DNAH11: variants seen among roughly 807,000 people sequenced by gnomAD.
The protein encoded by DNAH11 is axonemal beta dynein heavy chain 11.
Under a neutral mutation model 526.0 loss-of-function variants are expected in DNAH11, and 442 were observed. The ratio of observed to expected loss-of-function variants is 0.84; its 90% CI spans 0.78 to 0.91. The LOEUF (loss-of-function observed/expected upper bound fraction) is 0.91. Ranked by LOEUF, DNAH11 falls within the 40% of genes least tolerant of loss-of-function variation. DNAH11 has a pLI of 0.00. For synonymous variants in DNAH11, 2,461 were observed against 1,935.9 expected, an observed-to-expected ratio of 1.27 and a Z score of -7.12; for missense variants, 6,989 against 5,448.7, an observed-to-expected ratio of 1.28 and a Z score of -8.90.
chr7:21,687,558 A>T, intron 34 of DNAH11, 31 bp downstream of exon 34: 2 of 1,604,604 alleles, frequency 1.2e-6, no homozygotes, highest in Non-Finnish European at 1.7e-6. Flanking sequence ...CTCTTGTTAC[A>T]AATAGAAAAA....
chr7:21,603,470 G>A (rs1785169873), intron 18 of DNAH11, among the ~76,000 whole-genome samples: 1 of 152,150 alleles, frequency 6.6e-6, no homozygotes. Context: ...AACTTTTTGA[G>A]CCATTGCCAA....
rs774222768 is a variant in DNAH11 at position 21,615,282 on chromosome 7, G to C, written c.4011+10G>C. 2.5e-6 allele frequency: 4 copies of C among 1,605,726 alleles called. No homozygotes were observed. Among genetic ancestry groups the C allele is most frequent in the Non-Finnish European group, 3.4e-6 (4 of 1,175,776 alleles). ...CATTATTTATGTTCGAGTAAGATGT[G>C]CTTTTTCAAAACATGCTTTTTATTT... On this transcript the variant is annotated intron_variant, in intron 21 of 81. Coordinates refer to ENST00000409508, the MANE Select transcript of DNAH11 (RefSeq NM_001277115.2).
chr7:21,893,902 A>T (rs949932454), intron 77 of DNAH11, among the ~76,000 whole-genome samples: 3 of 152,116 alleles, frequency 2.0e-5, no homozygotes, highest in South Asian at 2.1e-4. Context: ...TTTATTTTTT[A>T]TTTTTTGAGA....
chr7:21,835,062 TGAA>T (rs1475484286), intron 65 of DNAH11, among the ~76,000 whole-genome samples: 1 of 151,916 alleles, frequency 6.6e-6, no homozygotes, highest in Non-Finnish European at 1.5e-5. Flanking sequence ...AATTGAATCA[TGAA>T]GAAAGAGAAA....
chr7:21,806,351 A>G (rs1789263280), intron 62 of DNAH11, among the ~76,000 whole-genome samples: 1 of 152,352 alleles, frequency 6.6e-6, no homozygotes, highest in South Asian at 2.1e-4. Flanking sequence ...AAATTAATGC[A>G]TATGTTGTCT....
At chr7:21,638,689 GGGGT>G (rs1390348148) in intron 27 of DNAH11, among the ~76,000 whole-genome samples, 5 of 101,356 alleles carry the variant, frequency 4.9e-5, no homozygotes, top group South Asian at 3.8e-4. Flanking sequence ...CACAGCTAAT[GGGGT>G]GTGTGTGTGT....
chr7:21,901,365 C>A lies in DNAH11; in HGVS notation c.*111C>A. ...CTAACTTTTTAGTAACTCACACGTG[C>A]ATTCTTTTTTCAACGCTATCCTTAG... On this transcript the variant is annotated 3_prime_UTR_variant, in exon 82 of 82. Coordinates refer to ENST00000409508, the MANE Select transcript of DNAH11 (RefSeq NM_001277115.2). 2.9e-6 allele frequency: 4 copies of A among 1,357,648 alleles called. No individual in the cohort carries two copies. Among genetic ancestry groups the A allele is most frequent in the Non-Finnish European group, 3.8e-6 (4 of 1,040,614 alleles). The allele number at this position is 1,357,648 out of a possible 1,614,324, so 84.1% of individuals were successfully genotyped here.
chr7:21,866,344 G>A (rs1783276305), intron 70 of DNAH11, 126 bp from the exon 71 acceptor site: 1 of 719,132 alleles, frequency 1.4e-6, no homozygotes. Context: ...AAGGAAATCT[G>A]AAGAGGAGAG....
At chr7:21,863,889 A>C (rs1012944412) in intron 69 of DNAH11, among the ~76,000 whole-genome samples, 11 of 152,210 alleles carry the variant, frequency 7.2e-5, no homozygotes, top group Admixed American at 7.2e-4. Flanking sequence ...ATAAAGCTCA[A>C]AAATTTTACC....
At chr7:21,548,662 C>T (rs1000217508) in intron 2 of DNAH11, among the ~76,000 whole-genome samples, 1 of 152,110 alleles carries the variant, frequency 6.6e-6, no homozygotes, top group African/African-American at 2.4e-5. Flanking sequence ...CCCACAATAC[C>T]ACCAGACATT....
intron 14 of DNAH11, among the ~76,000 whole-genome samples, chr7:21,594,544 A>AG (rs1302160087): frequency 6.6e-6 from 1 of 152,088 alleles, no homozygotes; most frequent in Non-Finnish European, 1.5e-5. Context: ...GGAATTCTGG[A>AG]GGGTGGGGTC....
In DNAH11 at chr7:21,717,829, G is replaced by C; in HGVS notation, c.7038G>C (p.Leu2346Phe). Residue 2346 changes from leucine to phenylalanine, a missense_variant, in exon 43 of 82, where the codon TTG becomes TTC. By Grantham distance (22) the Leu-to-Phe change is conservative. Transcript: ENST00000409508. Reference protein sequence around the residue: ...RRRHQSEKANLTILFDKYVPA... With the variant: ...RRRHQSEKANFTILFDKYVPA... ...GGCATCAATCAGAAAAGGCCAATTT[G>C]ACTATTCTTTTTGATAAATATGTCC... 6.2e-7 allele frequency: 1 copy of C among 1,613,836 alleles called. No homozygotes were observed. Among genetic ancestry groups the C allele is most frequent in the Non-Finnish European group, 8.5e-7 (1 of 1,179,810 alleles).
Position 21,748,668 on chromosome 7 carries a change from CT to C in DNAH11, c.8600del (p.Leu2867ArgfsTer15). ...CAGTGGCAAGCAGAGCTTGTCCAGG[CT>C]GGCAGCTTACCTTCGTGGCCTTGAG... ...GGSGKQSLSR[L>X]AAYLRGLEVF... On this transcript the variant is annotated frameshift_variant, in exon 52 of 82. Coordinates refer to ENST00000409508, the MANE Select transcript of DNAH11 (RefSeq NM_001277115.2). LOFTEE classifies it high-confidence loss of function. The C allele has an allele frequency of 6.2e-7, 1 of 1,613,692 alleles. No individual in the cohort carries two copies. Among genetic ancestry groups the C allele is most frequent in the Non-Finnish European group, 8.5e-7 (1 of 1,179,726 alleles).
chr7:21,670,140 A>G (rs1782587326), intron 30 of DNAH11, among the ~76,000 whole-genome samples: 1 of 152,062 alleles, frequency 6.6e-6, no homozygotes, highest in Non-Finnish European at 1.5e-5. Flanking sequence ...GAACATCTCA[A>G]TAATTATGGT....
chr7:21,560,972 T>C (rs1406909484), intron 4 of DNAH11, 99 bp from the exon 5 acceptor site: 1 of 831,488 alleles, frequency 1.2e-6, no homozygotes, highest in Non-Finnish European at 1.9e-6. Context: ...CTGTATCACT[T>C]GTGAGTGAAA....
chr7:21,549,123 C>G (rs1355072998), intron 2 of DNAH11, among the ~76,000 whole-genome samples: 1 of 152,208 alleles, frequency 6.6e-6, no homozygotes, highest in African/African-American at 2.4e-5. Flanking sequence ...AGGTGATACA[C>G]TCACCTTGGC....
chr7:21,818,774 T>G (rs1789926264), intron 65 of DNAH11, among the ~76,000 whole-genome samples: 1 of 152,182 alleles, frequency 6.6e-6, no homozygotes. Context: ...GCTAGCTCTG[T>G]TTTTTCTAAT....
intron 51 of DNAH11, among the ~76,000 whole-genome samples, chr7:21,745,578 T>TGCAGCCCTCC (rs1450836172): frequency 6.6e-6 from 1 of 152,226 alleles, no homozygotes; most frequent in East Asian, 1.9e-4. Flanking sequence ...TGCAACCATC[T>TGCAGCCCTCC]GCAGCCCTCC....
intron 34 of DNAH11, among the ~76,000 whole-genome samples, chr7:21,687,845 A>G (rs1410441323): frequency 6.6e-6 from 1 of 152,210 alleles, no homozygotes. Context: ...GTTTGAGCCC[A>G]GAAGTTCAAC....
Sources: allele counts gnomAD v4.1 joint callset (sites outside exome capture counted in the v4.1 genomes callset), GRCh38; gene constraint gnomAD v4.1.1; transcripts MANE v1.5; gene names NCBI Gene and HGNC (gene_info 2026-07-23, HGNC 2026-07-21).